The following ITGB3BP variants were observed in gnomAD, a reference collection of about 807,000 sequenced individuals.
ITGB3BP encodes centromere protein R.
Under a neutral mutation model 29.1 loss-of-function variants are expected in ITGB3BP, and 27 were observed. The observed-to-expected ratio is 0.93, with a 90% confidence interval of 0.68 to 1.28. The LOEUF (loss-of-function observed/expected upper bound fraction) is 1.28, where lower values mean the gene tolerates loss of function less well. Among genes scored for constraint, ITGB3BP ranks in the 50% most tolerant of loss-of-function variants. The probability of loss-of-function intolerance (pLI) is 0.00; values close to 1 mark genes in which losing one functional copy is unlikely to be tolerated. For missense variants in ITGB3BP, 192 were observed against 200.2 expected (o/e 0.96, Z 0.25); for synonymous variants, 61 against 61.4 (o/e 0.99, Z 0.03).
chr1:63,511,139 G>A (rs998000046), intron 1 of ITGB3BP, among the ~76,000 whole-genome samples: 9 of 152,188 alleles, frequency 5.9e-5, no homozygotes, highest in African/African-American at 1.9e-4. Context: ...CTTCTCCAAA[G>A]TGATATACTA....
intron 4 of ITGB3BP, among the ~76,000 whole-genome samples, chr1:63,466,602 T>C (rs983977312): frequency 2.6e-5 from 4 of 152,220 alleles, no homozygotes; most frequent in African/African-American, 7.2e-5. Context: ...CCACACAGCA[T>C]GTTTCAAACA....
intron 3 of ITGB3BP, 144 bp downstream of exon 3, chr1:63,489,938 AG>A: frequency 1.5e-6 from 1 of 650,336 alleles, no homozygotes; most frequent in Non-Finnish European, 2.5e-6. Context: ...TTATGTCCAA[AG>A]TAATACCTAT....
At chr1:63,480,194 C>T (rs1022843515) in intron 3 of ITGB3BP, among the ~76,000 whole-genome samples, 3 of 152,068 alleles carry the variant, frequency 2.0e-5, no homozygotes, top group Non-Finnish European at 2.9e-5. Context: ...GACAGATGCA[C>T]ACGTGAAGAC....
At chr1:63,512,871 A>G (rs1317027930) in intron 1 of ITGB3BP, among the ~76,000 whole-genome samples, 3 of 152,194 alleles carry the variant, frequency 2.0e-5, no homozygotes, top group African/African-American at 7.2e-5. Flanking sequence ...GCAATGGCCA[A>G]ATTCACATTC....
upstream of ITGB3BP, among the ~76,000 whole-genome samples, chr1:63,523,972 C>T (rs541654794): frequency 1.3e-5 from 2 of 152,044 alleles, no homozygotes; most frequent in Admixed American, 6.6e-5. Flanking sequence ...CTGCAATGTA[C>T]TCTCTAGGCC....
chr1:63,522,533 T>C (rs1381199420), intron 1 of ITGB3BP, among the ~76,000 whole-genome samples: 2 of 152,176 alleles, frequency 1.3e-5, no homozygotes, highest in African/African-American at 4.8e-5. Context: ...GAAAAACAGA[T>C]GAATCTTATC....
chr1:63,479,417 A>C (rs553451499), intron 3 of ITGB3BP, among the ~76,000 whole-genome samples: 1 of 152,180 alleles, frequency 6.6e-6, no homozygotes, highest in East Asian at 1.9e-4. Flanking sequence ...ACTAGTTAAC[A>C]TATCTATTAC....
upstream of ITGB3BP, chr1:63,527,768 A>C (rs1465862325): frequency 1.3e-5 from 2 of 152,174 alleles, no homozygotes. Flanking sequence ...TATTCTGAGA[A>C]AGTTGTTCTT....
intron 3 of ITGB3BP, 143 bp downstream of exon 3, chr1:63,489,936 AAAGT>A (rs1365505574): frequency 1.6e-6 from 1 of 643,810 alleles, no homozygotes; most frequent in Admixed American, 3.6e-5. Flanking sequence ...ATTTATGTCC[AAAGT>A]AATACCTATA....
In ITGB3BP at chr1:63,440,885, G is replaced by C. The variant is rs1275924449; in HGVS notation, c.*220C>G. On this transcript the variant is annotated 3_prime_UTR_variant, in exon 9 of 9. Coordinates refer to ENST00000271002, the MANE Select transcript of ITGB3BP (RefSeq NM_014288.5). The stretch of plus-strand genomic sequence containing the variant: ...CCTCTCCATGTTGGCTTACATTAAA[G>C]AGCCAAGAAGAAATGTATTATTTAC... The C allele has an allele frequency of 6.6e-6, 1 of 152,612 alleles. No homozygotes were observed. The highest frequency in any genetic ancestry group is 2.4e-5 in the African/African-American group (1 of 41,432). The allele number at this position is 152,612 out of a possible 1,614,324, so 9.5% of individuals were successfully genotyped here.
At chr1:63,491,634 T>A (rs753585271) in intron 2 of ITGB3BP, among the ~76,000 whole-genome samples, 6 of 152,204 alleles carry the variant, frequency 3.9e-5, no homozygotes, top group Non-Finnish European at 5.9e-5. Context: ...TCTTTTTTAG[T>A]AATCTTAATA....
chr1:63,447,174 T>G (rs1644800853), intron 7 of ITGB3BP: 2 of 300,628 alleles, frequency 6.7e-6, no homozygotes, highest in South Asian at 8.9e-5. Context: ...TCTATATCCC[T>G]GAGGGCAGGA....
intron 8 of ITGB3BP, chr1:63,442,661 G>T (rs896289401): frequency 2.6e-5 from 4 of 152,142 alleles, no homozygotes; most frequent in African/African-American, 9.7e-5. Flanking sequence ...GCCATGTTGG[G>T]GGTTATCAAT....
chr1:63,472,489 G>C (rs1046648822), intron 4 of ITGB3BP, among the ~76,000 whole-genome samples: 4 of 97,770 alleles, frequency 4.1e-5, no homozygotes, highest in African/African-American at 1.7e-4. Context: ...TCCTCTCCAC[G>C]GTCTCCTTCC....
At chr1:63,504,827 A>T (rs1483168569) in intron 2 of ITGB3BP, among the ~76,000 whole-genome samples, 1 of 152,140 alleles carries the variant, frequency 6.6e-6, no homozygotes, top group Non-Finnish European at 1.5e-5. Context: ...TGATTTGCAT[A>T]TGTTGAACCA....
intron 8 of ITGB3BP, among the ~76,000 whole-genome samples, chr1:63,442,141 C>T (rs1215447330): frequency 6.6e-6 from 1 of 152,180 alleles, no homozygotes; most frequent in Non-Finnish European, 1.5e-5. Flanking sequence ...GATCTGTCTG[C>T]TGTGAATTCC....
In ITGB3BP at chr1:63,503,765, A is replaced by T. The variant is rs145416007; in HGVS notation, c.48+4763T>A. ...GTTTTCCCAGCACCATTTATTAAAT[A>T]GGGAATCGTTTCCCCATTTCTCGTT... On this transcript the variant is annotated intron_variant, in intron 2 of 8. Transcript: ENST00000271002. 6.9e-3 allele frequency among the ~76,000 whole-genome samples: 1,046 copies of T among 152,326 alleles called. 14 individuals are homozygous for T. Among genetic ancestry groups the T allele is most frequent in the African/African-American group, 0.024 (981 of 41,564 alleles).
At chr1:63,442,438 T>TGC (rs1644742460) in intron 8 of ITGB3BP, 1 of 152,234 alleles carries the variant, frequency 6.6e-6, no homozygotes, top group Non-Finnish European at 1.5e-5. Context: ...CATTCTATTG[T>TGC]GCTGACCTGC....
upstream of ITGB3BP, among the ~76,000 whole-genome samples, chr1:63,526,412 G>C (rs1646590367): frequency 6.6e-6 from 1 of 152,056 alleles, no homozygotes; most frequent in African/African-American, 2.4e-5. Flanking sequence ...GTTTCATCAA[G>C]GCTAATAACT....
Sources: gnomAD v4.1 joint callset for allele counts (sites outside exome capture counted in the v4.1 genomes callset) on GRCh38, gnomAD v4.1.1 for gene constraint, MANE v1.5 for transcripts, NCBI Gene and HGNC (gene_info 2026-07-23, HGNC 2026-07-21) for gene names.